SIL1: variants seen among roughly 807,000 people sequenced by gnomAD.
The protein encoded by SIL1 is SIL1 nucleotide exchange factor.
A neutral mutation model predicts 49.1 loss-of-function variants in SIL1; 40 were observed. The observed-to-expected ratio is 0.81, with a 90% CI of 0.63 to 1.06. The LOEUF is 1.06. Among genes scored for constraint, SIL1 ranks in the 50% least tolerant of loss-of-function variants. The pLI, the probability that SIL1 is intolerant of heterozygous loss-of-function variation, is 0.00. For synonymous variants in SIL1, 253 were observed against 250.8 expected (o/e 1.01, Z -0.08); for missense variants, 500 against 572.6 (o/e 0.87, Z 1.29).
At chr5:139,170,195 G>A (rs1751721632) in intron 1 of SIL1, among the ~76,000 whole-genome samples, 1 of 152,186 alleles carries the variant, frequency 6.6e-6, no homozygotes, top group South Asian at 2.1e-4. Context: ...CTGGAGTGCA[G>A]TGGCGTGATC....
intron 3 of SIL1, among the ~76,000 whole-genome samples, chr5:139,074,923 C>G (rs1276153436): frequency 6.6e-6 from 1 of 152,160 alleles, no homozygotes; most frequent in Non-Finnish European, 1.5e-5. Context: ...CTCCCGGATT[C>G]AAGCGATTCT....
chr5:139,174,665 G>A (rs1457274726), intron 1 of SIL1, among the ~76,000 whole-genome samples: 1 of 151,840 alleles, frequency 6.6e-6, no homozygotes, highest in Non-Finnish European at 1.5e-5. Flanking sequence ...ACTGCAGGGT[G>A]AAGTGGCTCA....
chr5:139,112,950 T>C (rs1050352562), intron 3 of SIL1, among the ~76,000 whole-genome samples: 14 of 152,376 alleles, frequency 9.2e-5, no homozygotes, highest in African/African-American at 3.4e-4. Context: ...TGTTCTGTAC[T>C]AAGAAAGATT....
In SIL1 at chr5:139,057,121, A is replaced by G. The variant is rs538889815; in HGVS notation, c.245-6075T>C. On this transcript the variant is annotated intron_variant, in intron 3 of 9. Coordinates refer to ENST00000394817, the MANE Select transcript of SIL1 (RefSeq NM_022464.5). Reference sequence around the variant, plus strand: ...TGTTAAACAGATGCTTGAAGGCAGCATGCTCGTTAAGAGTCATCACCACTC... The same window carrying G: ...TGTTAAACAGATGCTTGAAGGCAGCGTGCTCGTTAAGAGTCATCACCACTC... 3.3e-3 allele frequency among the ~76,000 whole-genome samples: 502 copies of G among 151,524 alleles called. 2 individuals are homozygous for G. Among genetic ancestry groups the G allele is most frequent in the Admixed American group, 5.7e-3 (87 of 15,262 alleles).
intron 3 of SIL1, among the ~76,000 whole-genome samples, chr5:139,113,670 A>C (rs1770926435): frequency 6.6e-6 from 1 of 152,236 alleles, no homozygotes; most frequent in Non-Finnish European, 1.5e-5. Flanking sequence ...TTCAAGCTCT[A>C]GGCCAGCCCT....
At chr5:139,175,715 C>G (rs1426262372) in intron 1 of SIL1, among the ~76,000 whole-genome samples, 1 of 152,126 alleles carries the variant, frequency 6.6e-6, no homozygotes, top group Non-Finnish European at 1.5e-5. Context: ...GTAATCCCAG[C>G]ACTTCGGGAG....
chr5:139,192,454 A>C (rs996460200), intron 1 of SIL1, among the ~76,000 whole-genome samples: 3 of 152,222 alleles, frequency 2.0e-5, no homozygotes, highest in African/African-American at 7.2e-5. Context: ...GAACTTCCTC[A>C]GTCACAACAT....
At chr5:138,954,688 A>C (rs1766862713) in intron 7 of SIL1, among the ~76,000 whole-genome samples, 1 of 152,260 alleles carries the variant, frequency 6.6e-6, no homozygotes, top group Non-Finnish European at 1.5e-5. Flanking sequence ...CTCGCCAGTC[A>C]GCTCTGCCTT....
intron 3 of SIL1, among the ~76,000 whole-genome samples, chr5:139,111,743 C>G (rs939469269): frequency 2.0e-5 from 3 of 152,198 alleles, no homozygotes; most frequent in Non-Finnish European, 2.9e-5. Context: ...GAGTTTACAT[C>G]ATCTTTCTTC....
intron 6 of SIL1, among the ~76,000 whole-genome samples, chr5:139,026,519 C>T (rs1768653374): frequency 6.6e-6 from 1 of 152,208 alleles, no homozygotes; most frequent in Non-Finnish European, 1.5e-5. Context: ...AGGAGAATAG[C>T]TTGAACCCAG....
intron 3 of SIL1, among the ~76,000 whole-genome samples, chr5:139,104,557 CAAAGG>C (rs1436597017): frequency 6.6e-6 from 1 of 152,154 alleles, no homozygotes; most frequent in African/African-American, 2.4e-5. Flanking sequence ...TAGCAGAGGG[CAAAGG>C]AAAACCCAAC....
intron 9 of SIL1, among the ~76,000 whole-genome samples, chr5:138,949,798 C>CAAAAAAAAA (rs5871689): frequency 2.4e-5 from 2 of 83,290 alleles, no homozygotes; most frequent in Non-Finnish European, 2.6e-5. Flanking sequence ...GACCCTGTCT[C>CAAAAAAAAA]AAAAAAAAAA....
intron 1 of SIL1, among the ~76,000 whole-genome samples, chr5:139,159,951 T>A (rs1187203688): frequency 1.3e-5 from 2 of 152,024 alleles, no homozygotes; most frequent in African/African-American, 4.8e-5. Flanking sequence ...TAAAAAAAAA[T>A]TTCCTTTTAA....
chr5:139,176,289 T>C (rs1751881314), intron 1 of SIL1, among the ~76,000 whole-genome samples: 1 of 152,162 alleles, frequency 6.6e-6, no homozygotes, highest in African/African-American at 2.4e-5. Context: ...TCAAGACCAC[T>C]TAGATAATCT....
At chr5:139,158,342 G>C (rs181881450) in intron 1 of SIL1, among the ~76,000 whole-genome samples, 55 of 152,350 alleles carry the variant, frequency 3.6e-4, no homozygotes, top group African/African-American at 1.3e-3. Context: ...GAAGTGCTCA[G>C]AAAGACTCAC....
At chr5:139,028,453 G>T (rs968610791) in intron 5 of SIL1, among the ~76,000 whole-genome samples, 4 of 152,040 alleles carry the variant, frequency 2.6e-5, no homozygotes, top group African/African-American at 9.7e-5. Flanking sequence ...AGCGGAGATC[G>T]TGCCACTGCA....
In SIL1 at chr5:139,050,944, C is replaced by T; in HGVS notation, c.347G>A (p.Gly116Asp). 1 of 1,613,870 alleles carries T rather than the reference C, an allele frequency of 6.2e-7. No homozygotes were observed. Among genetic ancestry groups the T allele is most frequent in the Non-Finnish European group, 8.5e-7 (1 of 1,179,746 alleles). Residue 116 changes from glycine to aspartate, a missense_variant, in exon 4 of 10, where the codon GGC becomes GAC. Coordinates refer to ENST00000394817, the MANE Select transcript of SIL1 (RefSeq NM_022464.5). ...YEDKFRNNLK[G>D]KRLDINTNTY... Reference sequence around the variant, plus strand: ...CCTAGGGTTGACACTGTACCTTTTGCCTTTCAAATTATTTCGGAACTTGTC... The same window carrying T: ...CCTAGGGTTGACACTGTACCTTTTGTCTTTCAAATTATTTCGGAACTTGTC...
intron 3 of SIL1, among the ~76,000 whole-genome samples, chr5:139,098,680 C>A (rs56820039): frequency 2.9e-3 from 445 of 152,190 alleles, no homozygotes; most frequent in African/African-American, 0.01. Context: ...GAGAAAATAT[C>A]TGCAAACTAC....
Position 139,026,904 on chromosome 5 carries a change from T to C in SIL1, c.542A>G (p.Asp181Gly). ...FDELNVVIET[D>G]MQIMVRLINK... ...GATCAGCCGTACCATGATCTGCATGTCAGTCTCAATGACAACATTCAGCTC... is the reference window on the plus strand; with the variant it reads ...GATCAGCCGTACCATGATCTGCATGCCAGTCTCAATGACAACATTCAGCTC... Residue 181 changes from aspartate (D) to glycine (G), a missense_variant, in exon 6 of 10, where the codon GAC becomes GGC. Physicochemically the swap from Asp to Gly is moderately conservative, Grantham distance 94. Transcript: ENST00000394817. The C allele has an allele frequency of 6.2e-7, 1 of 1,614,236 alleles. No individual in the cohort carries two copies. The highest frequency in any genetic ancestry group is 8.5e-7 in the Non-Finnish European group (1 of 1,180,032).
Sources: gnomAD v4.1 joint callset for allele counts (sites outside exome capture counted in the v4.1 genomes callset) on GRCh38, gnomAD v4.1.1 for gene constraint, MANE v1.5 for transcripts, NCBI Gene and HGNC (gene_info 2026-07-23, HGNC 2026-07-21) for gene names.